Variants in PRRC2C observed in about 807,000 individuals in gnomAD.
The protein encoded by PRRC2C is proline rich coiled-coil 2C.
PRRC2C carries 72 observed loss-of-function variants against 317.2 expected under a neutral mutation model. That is an observed-to-expected ratio of 0.23 (90% CI 0.19 to 0.28). The LOEUF is 0.28. Ranked by LOEUF, PRRC2C falls within the 10% of genes least tolerant of loss-of-function variation. The pLI is 1.00. For synonymous variants in PRRC2C, 1,296 were observed against 1,205.9 expected (o/e 1.07, Z -1.55); for missense variants, 3,074 against 3,459.7 (o/e 0.89, Z 2.80).
At chr1:171,513,322 T>G in intron 3 of PRRC2C, 150 bp downstream of exon 3, 1 of 938,712 alleles carries the variant, frequency 1.1e-6, no homozygotes, top group South Asian at 1.6e-5. Context: ...ATAGTAACTT[T>G]TGGTTAATTT....
At chr1:171,487,028 T>C (rs1290395586) in intron 1 of PRRC2C, among the ~76,000 whole-genome samples, 1 of 152,234 alleles carries the variant, frequency 6.6e-6, no homozygotes, top group African/African-American at 2.4e-5. Context: ...AGTCAAATAG[T>C]AATTCTCTCC....
intron 22 of PRRC2C, among the ~76,000 whole-genome samples, chr1:171,567,358 A>G (rs887860067): frequency 6.6e-6 from 1 of 152,236 alleles, no homozygotes; most frequent in Non-Finnish European, 1.5e-5. Flanking sequence ...AAGACAAGAT[A>G]TGTTGATTGA....
At chr1:171,571,809 G>A (rs1011706227) in intron 24 of PRRC2C, among the ~76,000 whole-genome samples, 2 of 152,136 alleles carry the variant, frequency 1.3e-5, no homozygotes, top group Non-Finnish European at 2.9e-5. Flanking sequence ...ACTGATAATA[G>A]TAAGAATGTT....
At chr1:171,501,746 G>A (rs1669157397) in intron 1 of PRRC2C, among the ~76,000 whole-genome samples, 1 of 152,182 alleles carries the variant, frequency 6.6e-6, no homozygotes, top group Non-Finnish European at 1.5e-5. Context: ...CTCTATAACT[G>A]TGTGGATGGG....
In PRRC2C at chr1:171,589,451, C is replaced by G. The variant is rs1055883760; in HGVS notation, c.8282C>G (p.Pro2761Arg). The change falls in exon 34 of 35, where the codon CCA (proline) becomes CGA (arginine). Residue 2761 changes from proline (P) to arginine (R), a missense_variant. Coordinates refer to ENST00000647382, the MANE Select transcript of PRRC2C (RefSeq NM_001387844.1). ...NTFPAPVQRP[P>R]MALASQMPPP... is the part of the protein sequence containing the mutation. ...TTCCCAGCGCCTGTTCAGAGGCCAC[C>G]AATGGCACTGGCCAGTCAGATGCCT... 1 of 1,289,628 alleles carries G rather than the reference C, an allele frequency of 7.8e-7. No individual in the cohort carries two copies. Among genetic ancestry groups the G allele is most frequent in the Non-Finnish European group, 1.0e-6 (1 of 988,854 alleles). 79.9% of individuals were successfully genotyped at this position (1,289,628 alleles called of 1,614,324 possible). A position where few individuals can be genotyped will look rare whatever the true frequency, so the allele number is the denominator to read the frequency against.
At chr1:171,486,771 T>C (rs955491894) in intron 1 of PRRC2C, among the ~76,000 whole-genome samples, 1 of 152,154 alleles carries the variant, frequency 6.6e-6, no homozygotes, top group Non-Finnish European at 1.5e-5. Context: ...GATTGTTGAG[T>C]ACTTAATAGC....
chr1:171,585,091 G>GT (rs903008900), intron 30 of PRRC2C, among the ~76,000 whole-genome samples: 57 of 150,016 alleles, frequency 3.8e-4, no homozygotes, highest in African/African-American at 7.8e-4. Context: ...TTTGTTTTTT[G>GT]TTTTTTTTTA....
chr1:171,537,194 T>A (rs1676993130), intron 14 of PRRC2C, 69 bp from the exon 15 acceptor site: 16 of 1,193,846 alleles, frequency 1.3e-5, no homozygotes, highest in South Asian at 6.8e-5. Context: ...GTATTCTATG[T>A]CTATCATGGT....
chr1:171,493,459 C>T (rs1381606332), intron 1 of PRRC2C, among the ~76,000 whole-genome samples: 1 of 152,174 alleles, frequency 6.6e-6, no homozygotes, highest in African/African-American at 2.4e-5. Flanking sequence ...CACTGCTGCA[C>T]TCCAGCATGG....
intron 17 of PRRC2C, among the ~76,000 whole-genome samples, chr1:171,547,784 C>T (rs1035210067): frequency 6.6e-6 from 1 of 151,812 alleles, no homozygotes; most frequent in Non-Finnish European, 1.5e-5. Context: ...GTTAGGATTA[C>T]AGGCACATGC....
chr1:171,541,763 C>G lies in PRRC2C; in HGVS notation c.4297C>G (p.Gln1433Glu). ...GCAGCGTCCTACTCGACCACCAAGG[C>G]AAGACAAGCCACCTCGATTTAGACG... ...RRQRPTRPPR[Q>E]DKPPRFRRLR... The change falls in exon 16 of 35, where the codon CAA (glutamine) becomes GAA (glutamate). Residue 1433 changes from glutamine to glutamate, a missense_variant. Coordinates refer to ENST00000647382, the MANE Select transcript of PRRC2C (RefSeq NM_001387844.1). The surrounding 1 kb of genome is among the most constrained non-coding windows in gnomAD (Gnocchi z 4.1). 1.2e-6 allele frequency: 2 copies of G among 1,613,942 alleles called. No homozygotes were observed. Among genetic ancestry groups the G allele is most frequent in the Non-Finnish European group, 1.7e-6 (2 of 1,179,870 alleles).
Position 171,541,400 on chromosome 1 carries a change from C to T in PRRC2C, c.3934C>T (p.His1312Tyr). The change falls in exon 16 of 35, where the codon CAT becomes TAT. Residue 1312 changes from histidine (H) to tyrosine (Y), a missense_variant. Around this residue, in one of 11 missense-constraint regions of PRRC2C, gnomAD observed 1,320 missense variants for 1,395.7 expected, o/e 0.95. Transcript: ENST00000647382. The surrounding 1 kb of genome is among the most constrained non-coding windows in gnomAD (Gnocchi z 4.1). Reference protein sequence around the residue: ...KPHSSFKPDNHVRIDNRLLEK... With the variant: ...KPHSSFKPDNYVRIDNRLLEK... ...TCATTCTTCTTTCAAGCCTGATAAT[C>T]ATGTTCGAATAGATAATAGACTGCT... The T allele has an allele frequency of 6.2e-7, 1 of 1,613,472 alleles. No homozygotes were observed. Among genetic ancestry groups the T allele is most frequent in the Non-Finnish European group, 8.5e-7 (1 of 1,179,772 alleles).
chr1:171,545,847 A>G (rs984918075), intron 17 of PRRC2C, among the ~76,000 whole-genome samples, 160 bp downstream of exon 17: 1 of 152,110 alleles, frequency 6.6e-6, no homozygotes, highest in Non-Finnish European at 1.5e-5. Context: ...ATGAAACACT[A>G]ACTGATTGAA....
At chr1:171,521,460 T>G (rs1196186037) in intron 6 of PRRC2C, among the ~76,000 whole-genome samples, 1 of 152,328 alleles carries the variant, frequency 6.6e-6, no homozygotes, top group Non-Finnish European at 1.5e-5. Context: ...TGGGACAGTT[T>G]ATAATGATCA....
At chr1:171,547,633 C>CTTTTTTTTTTTTTTTTTTTTTTT (rs35480518) in intron 17 of PRRC2C, among the ~76,000 whole-genome samples, 2 of 129,840 alleles carry the variant, frequency 1.5e-5, no homozygotes, top group Admixed American at 8.2e-5. Flanking sequence ...AGTTTCCCTT[C>CTTTTTTTTTTTTTTTTTTTTTTT]TTTTTTTTTT....
intron 17 of PRRC2C, 60 bp downstream of exon 17, chr1:171,545,747 T>TTATTTATTTGCTACATTTTAAAATGTAGA (rs1414053592): frequency 9.0e-7 from 1 of 1,110,124 alleles, no homozygotes; most frequent in Non-Finnish European, 1.2e-6. Context: ...ATTTATTTAT[T>TTATTTATTTGCTACATTTTAAAATGTAGA]TGCTACATTT....
intron 28 of PRRC2C, among the ~76,000 whole-genome samples, chr1:171,582,620 A>T (rs1648897374): frequency 1.3e-5 from 2 of 152,208 alleles, no homozygotes; most frequent in South Asian, 4.1e-4. Flanking sequence ...GGCAGTTGTA[A>T]CACAGTGGTA....
chr1:171,535,771 C>G (rs1022716095), intron 13 of PRRC2C, among the ~76,000 whole-genome samples, 174 bp downstream of exon 13: 2 of 152,112 alleles, frequency 1.3e-5, no homozygotes, highest in Non-Finnish European at 2.9e-5. Context: ...CTGTGTCATT[C>G]CTTTTGATCT....
At chr1:171,499,071 A>C (rs1668625361) in intron 1 of PRRC2C, among the ~76,000 whole-genome samples, 1 of 152,148 alleles carries the variant, frequency 6.6e-6, no homozygotes, top group Non-Finnish European at 1.5e-5. Flanking sequence ...TGGCTTCCCA[A>C]AGTGCTGGGA....
Sources: gnomAD v4.1 joint callset for allele counts (sites outside exome capture counted in the v4.1 genomes callset) on GRCh38, gnomAD v4.1.1 for gene constraint, gnomAD v4.1.1 regional missense constraint, Gnocchi (gnomAD v3.1) non-coding constraint, MANE v1.5 for transcripts, NCBI Gene and HGNC (gene_info 2026-07-23, HGNC 2026-07-21) for gene names.